DNAH9: variants seen among roughly 807,000 people sequenced by gnomAD.
DNAH9 encodes DNAH9 variant protein.
A neutral mutation model predicts 471.6 loss-of-function variants in DNAH9; 345 were observed. The observed-to-expected ratio is 0.73, with a 90% CI of 0.67 to 0.80. The LOEUF is 0.80. Among genes scored for constraint, DNAH9 ranks in the 30% least tolerant of loss-of-function variants. The probability of loss-of-function intolerance (pLI) is 0.00; values close to 1 mark genes in which losing one functional copy is unlikely to be tolerated. For synonymous variants in DNAH9, 2,093 were observed against 2,123.6 expected, an observed-to-expected ratio of 0.99 and a Z score of 0.40; for missense variants, 5,407 against 5,609.2, an observed-to-expected ratio of 0.96 and a Z score of 1.15.
At position 11,798,203 on chromosome 17, in the gene DNAH9, C is replaced by A. The variant is rs180940613; in HGVS notation, c.8420+410C>A. Among the ~76,000 whole-genome samples the A allele has an allele frequency of 2.2e-4, 33 of 151,970 alleles. 1 individual carries two copies. Among genetic ancestry groups the A allele is most frequent in the Admixed American group, 1.9e-3 (29 of 15,274 alleles). ...AATCCCAGCACTTTGGAGGCCGAGG[C>A]GGGCAGATCACGAGGTCAGGAGATC... On this transcript the variant is annotated intron_variant, in intron 43 of 68. Coordinates refer to ENST00000262442, the MANE Select transcript of DNAH9 (RefSeq NM_001372.4).
At chr17:11,732,749 A>T (rs1459608383) in intron 28 of DNAH9, among the ~76,000 whole-genome samples, 1 of 152,156 alleles carries the variant, frequency 6.6e-6, no homozygotes, top group Non-Finnish European at 1.5e-5. Context: ...GCTTTGGGTT[A>T]TCTGCGCCCG....
At chr17:11,865,519 C>T (rs1016957100) in intron 50 of DNAH9, among the ~76,000 whole-genome samples, 6 of 151,440 alleles carry the variant, frequency 4.0e-5, no homozygotes, top group African/African-American at 7.3e-5. Context: ...CTTCTCGAGG[C>T]GTATCTTTGT....
At chr17:11,683,737 A>C (rs998308155) in intron 19 of DNAH9, among the ~76,000 whole-genome samples, 2 of 151,950 alleles carry the variant, frequency 1.3e-5, no homozygotes, top group African/African-American at 4.8e-5. Context: ...GGATACTGCT[A>C]CTCTTAGCTG....
rs1976260016 is a variant in DNAH9, at chr17:11,962,195, C to T, written c.13172C>T (p.Pro4391Leu). 1 of 1,613,940 alleles carries T rather than the reference C, an allele frequency of 6.2e-7. No homozygotes were observed. ...TKKNREEFRS[P>L]PREGAYIHGL... ...AAGAACAGAGAAGAGTTTAGGAGTC[C>T]TCCTCGGGAAGGGGCCTACATCCAT... The change falls in exon 68 of 69, where the codon CCT (proline) becomes CTT (leucine). Residue 4391 changes from proline (P) to leucine (L), a missense_variant. By Grantham distance (98) the Pro-to-Leu change is moderately conservative. Coordinates refer to ENST00000262442, the MANE Select transcript of DNAH9 (RefSeq NM_001372.4). This position sits in a 1 kb window ranked among gnomAD's most constrained non-coding sequence, Gnocchi z 4.1.
intron 52 of DNAH9, among the ~76,000 whole-genome samples, chr17:11,872,868 C>A (rs1972334942): frequency 6.6e-6 from 1 of 152,296 alleles, no homozygotes; most frequent in Non-Finnish European, 1.5e-5. Flanking sequence ...TGCAGTGAGC[C>A]AAGATAGCAC....
intron 41 of DNAH9, among the ~76,000 whole-genome samples, chr17:11,789,842 C>G (rs1969003022): frequency 6.6e-6 from 1 of 152,012 alleles, no homozygotes; most frequent in South Asian, 2.1e-4. Flanking sequence ...AAATTTATCT[C>G]TAATCACACC....
intron 26 of DNAH9, among the ~76,000 whole-genome samples, chr17:11,707,959 CCACACACACACACACACACA>C (rs756020074): frequency 0.049 from 5,217 of 105,860 alleles, 129 homozygotes; most frequent in African/African-American, 0.059. Flanking sequence ...GCCTCTCCCA[CCACACACACACACACACACA>C]CACACACACA....
At chr17:11,649,295 A>T (rs1298063549) in intron 12 of DNAH9, among the ~76,000 whole-genome samples, 2 of 152,208 alleles carry the variant, frequency 1.3e-5, no homozygotes, top group Non-Finnish European at 2.9e-5. Flanking sequence ...GGGCATTTAC[A>T]TCATTTTACA....
intron 59 of DNAH9, among the ~76,000 whole-genome samples, chr17:11,900,320 G>C (rs144724598): frequency 8.6e-5 from 13 of 152,042 alleles, no homozygotes; most frequent in South Asian, 4.2e-4. Flanking sequence ...TGTAAAGCCA[G>C]GACATGTGTT....
chr17:11,651,363 GA>G, intron 13 of DNAH9, 39 bp downstream of exon 13: 1 of 1,578,982 alleles, frequency 6.3e-7, no homozygotes, highest in Non-Finnish European at 8.6e-7. Flanking sequence ...AAAACATGGA[GA>G]TTCGAGGATC....
chr17:11,628,780 TATAA>T (rs1190612823), intron 6 of DNAH9, among the ~76,000 whole-genome samples: 12 of 152,210 alleles, frequency 7.9e-5, no homozygotes, highest in African/African-American at 9.7e-5. Context: ...CTACCAATTA[TATAA>T]ATAGTTTTAT....
At chr17:11,919,364 G>A (rs955802479) in intron 61 of DNAH9, among the ~76,000 whole-genome samples, 24 of 151,572 alleles carry the variant, frequency 1.6e-4, no homozygotes, top group Non-Finnish European at 2.1e-4. Flanking sequence ...GCGTGGTGGC[G>A]GGCGCCTGTA....
chr17:11,742,105 T>C, intron 29 of DNAH9, 70 bp from the exon 30 acceptor site: 1 of 1,474,316 alleles, frequency 6.8e-7, no homozygotes, highest in Non-Finnish European at 9.4e-7. Context: ...CCAGTGCTTA[T>C]TTTCTTGCAG....
intron 2 of DNAH9, among the ~76,000 whole-genome samples, chr17:11,608,617 A>G (rs2072559716): frequency 6.6e-6 from 1 of 152,002 alleles, no homozygotes; most frequent in Non-Finnish European, 1.5e-5. Flanking sequence ...AGCTTTCCGT[A>G]TTTTGCTTAT....
At chr17:11,644,479 G>A in intron 10 of DNAH9, 152 bp from the exon 11 acceptor site, 6 of 601,984 alleles carry the variant, frequency 1.0e-5, no homozygotes, top group Middle Eastern at 2.6e-4. Flanking sequence ...GCCAGAGTAA[G>A]ATGTTCGCGA....
At chr17:11,823,547 A>T (rs569886327) in intron 48 of DNAH9, among the ~76,000 whole-genome samples, 13 of 152,314 alleles carry the variant, frequency 8.5e-5, no homozygotes, top group African/African-American at 2.9e-4. Context: ...TCAAAGAGCC[A>T]TTGGAACCTC....
At chr17:11,791,213 A>G (rs533257781) in intron 41 of DNAH9, among the ~76,000 whole-genome samples, 253 of 152,252 alleles carry the variant, frequency 1.7e-3, no homozygotes, top group Non-Finnish European at 2.5e-3. Context: ...AGTGTCTTGG[A>G]TTTCTAGGTT....
intron 49 of DNAH9, among the ~76,000 whole-genome samples, chr17:11,842,042 TATA>T (rs1971054643): frequency 1.3e-5 from 2 of 152,150 alleles, no homozygotes; most frequent in Admixed American, 1.3e-4. Flanking sequence ...ATATGTATGT[TATA>T]ATATTGTTCC....
chr17:11,781,308 C>G, intron 39 of DNAH9, 134 bp downstream of exon 39: 1 of 924,062 alleles, frequency 1.1e-6, no homozygotes, highest in Non-Finnish European at 1.5e-6. Context: ...TGTGGTAAAC[C>G]ACATTTCTCA....
Sources: allele counts gnomAD v4.1 joint callset (sites outside exome capture counted in the v4.1 genomes callset), GRCh38; gene constraint gnomAD v4.1.1; non-coding constraint Gnocchi (gnomAD v3.1); transcripts MANE v1.5; gene names NCBI Gene and HGNC (gene_info 2026-07-23, HGNC 2026-07-21).